The following MYO9A variants were observed in gnomAD, a reference collection of about 807,000 sequenced individuals.
The protein encoded by MYO9A is myosin IXA.
A neutral mutation model predicts 293.3 loss-of-function variants in MYO9A; 103 were observed. That is an observed-to-expected ratio of 0.35 (90% confidence interval 0.30 to 0.41). The LOEUF (loss-of-function observed/expected upper bound fraction) is 0.41. Ranked by LOEUF, MYO9A falls within the 10% of genes least tolerant of loss-of-function variation. The pLI, the probability that MYO9A is intolerant of heterozygous loss-of-function variation, is 1.00. For missense variants in MYO9A, 2,685 were observed against 3,033.0 expected, an observed-to-expected ratio of 0.89 and a Z score of 2.69; for synonymous variants, 1,001 against 1,035.7, an observed-to-expected ratio of 0.97 and a Z score of 0.64.
At position 71,904,996 on chromosome 15, in the gene MYO9A, C is replaced by T. The variant is rs763535396; in HGVS notation, c.2696G>A (p.Ser899Asn). 1 of 1,601,278 alleles carries T rather than the reference C, an allele frequency of 6.2e-7. No individual in the cohort carries two copies. The highest frequency in any genetic ancestry group is 1.7e-5 in the Admixed American group (1 of 59,808). The change falls in exon 20 of 42, where the codon AGC becomes AAC. Residue 899 changes from serine (S) to asparagine (N), a missense_variant. Ser to Asn is a conservative substitution (Grantham distance 46, BLOSUM62 1). This residue lies in a region of MYO9A where 1,434 missense variants were observed against 1,497.7 expected (regional missense o/e 0.96). Coordinates refer to ENST00000356056, the MANE Select transcript of MYO9A (RefSeq NM_006901.4). ...SISAQFQASLSKLMETLGQAE... is the reference protein window; with the variant it reads ...SISAQFQASLNKLMETLGQAE... The stretch of plus-strand genomic sequence containing the variant: ...TTGACCAAGTGTTTCCATTAGCTTG[C>T]TTAATGATGCCTGCAACAGAAAGCA...
At position 71,823,826 on chromosome 15, in the gene MYO9A, C is replaced by CAGAG. The variant is rs2054362571; in HGVS notation, c.*2750_*2753dup. The CAGAG allele has an allele frequency of 6.6e-6, 1 of 152,152 alleles. No individual in the cohort carries two copies. Among genetic ancestry groups the CAGAG allele is most frequent in the African/African-American group, 2.4e-5 (1 of 41,418 alleles). 9.4% of individuals were successfully genotyped at this position (152,152 alleles called of 1,614,324 possible). ...GTGGAGCTGCCCCACTGCTGCCATG[C>CAGAG]AGAGATCAAACAAGCAAAGGAGAAG... On this transcript the variant is annotated 3_prime_UTR_variant, in exon 42 of 42. Coordinates refer to ENST00000356056, the MANE Select transcript of MYO9A (RefSeq NM_006901.4).
intron 11 of MYO9A, among the ~76,000 whole-genome samples, chr15:71,987,500 C>G (rs2148250073): frequency 6.6e-6 from 1 of 152,300 alleles, no homozygotes. Context: ...TGAGCTTCAG[C>G]TCACTATTTG....
chr15:72,011,014 A>ATT (rs35009391), intron 6 of MYO9A, among the ~76,000 whole-genome samples: 2 of 146,006 alleles, frequency 1.4e-5, no homozygotes, highest in East Asian at 2.0e-4. Flanking sequence ...TAGATATGTT[A>ATT]TTTTTTTTTT....
At position 71,832,558 on chromosome 15, in the gene MYO9A, G is replaced by T. The variant is rs185907262; in HGVS notation, c.6838-2247C>A. 2.0e-5 allele frequency among the ~76,000 whole-genome samples: 3 copies of T among 152,268 alleles called. No individual in the cohort carries two copies. In the East Asian group the frequency reaches 5.8e-4, roughly 29 times the overall value. ...GCAGAAAACAATGGAATATTTTCAT[G>T]GTGATGAAAAAGTAACTGCCAAGCT... is the stretch of plus-strand genomic sequence containing the variant. On this transcript the variant is annotated intron_variant, in intron 39 of 41. Transcript: ENST00000356056.
At chr15:71,886,775 G>A (rs1439435189) in intron 27 of MYO9A, among the ~76,000 whole-genome samples, 1 of 151,936 alleles carries the variant, frequency 6.6e-6, no homozygotes, top group Non-Finnish European at 1.5e-5. Context: ...TGTCATTTTA[G>A]CAATTGTGGG....
At chr15:71,965,014 A>G (rs1454813450) in intron 13 of MYO9A, among the ~76,000 whole-genome samples, 1 of 151,918 alleles carries the variant, frequency 6.6e-6, no homozygotes, top group Non-Finnish European at 1.5e-5. Flanking sequence ...CAACATATGT[A>G]TTTAAAGTTA....
chr15:71,919,998 G>C (rs1291230946), intron 18 of MYO9A, among the ~76,000 whole-genome samples: 1 of 152,050 alleles, frequency 6.6e-6, no homozygotes, highest in African/African-American at 2.4e-5. Flanking sequence ...TGTTGTAAGT[G>C]CTAAGGATAC....
At chr15:72,069,101 T>C (rs1465230006) in intron 1 of MYO9A, among the ~76,000 whole-genome samples, 1 of 152,186 alleles carries the variant, frequency 6.6e-6, no homozygotes, top group Non-Finnish European at 1.5e-5. Context: ...TGCCTTATAC[T>C]GCCTCATAGC....
Position 71,883,858 on chromosome 15 carries a change from A to T in MYO9A, c.5256-122T>A, listed in dbSNP as rs890017785. On this transcript the variant is annotated intron_variant, in intron 27 of 41. Transcript: ENST00000356056. ...TTAGCTCATTTAAGCTTCACATTTAAATTAAGTGTATTTATCTTTACTTTT... is the reference window on the plus strand; with the variant it reads ...TTAGCTCATTTAAGCTTCACATTTATATTAAGTGTATTTATCTTTACTTTT... 3 of 883,406 alleles carry T rather than the reference A, an allele frequency of 3.4e-6. No individual in the cohort carries two copies. The African/African-American group carries it at 5.2e-5, about 15-fold the overall frequency. 54.7% of individuals were successfully genotyped at this position (883,406 alleles called of 1,614,324 possible). A position where few individuals can be genotyped will look rare whatever the true frequency, so the allele number is the denominator to read the frequency against.
intron 1 of MYO9A, among the ~76,000 whole-genome samples, chr15:72,079,119 T>C (rs2079460188): frequency 1.3e-5 from 2 of 152,094 alleles, no homozygotes; most frequent in Admixed American, 1.3e-4. Flanking sequence ...AGACCACAAA[T>C]AGTAACGATG....
chr15:71,853,091 C>CTGAATGAATGAATGAATGAATGAATGAA (rs71131711), intron 35 of MYO9A, among the ~76,000 whole-genome samples: 1 of 151,370 alleles, frequency 6.6e-6, no homozygotes, highest in African/African-American at 2.4e-5. Context: ...AAGACTGTCT[C>CTGAATGAATGAATGAATGAATGAATGAA]TGAATGAATG....
chr15:71,835,047 A>C (rs544005676), intron 39 of MYO9A, among the ~76,000 whole-genome samples: 1 of 152,268 alleles, frequency 6.6e-6, no homozygotes, highest in South Asian at 2.1e-4. Flanking sequence ...TGCAATAAAA[A>C]AGTCTGATAA....
At chr15:71,906,865 G>A (rs1259246215) in intron 19 of MYO9A, among the ~76,000 whole-genome samples, 2 of 144,088 alleles carry the variant, frequency 1.4e-5, no homozygotes, top group African/African-American at 5.1e-5. Context: ...CCGGGTTCAC[G>A]CCATTCTCCT....
chr15:71,972,614 T>C (rs1197529884), intron 12 of MYO9A, among the ~76,000 whole-genome samples: 1 of 152,178 alleles, frequency 6.6e-6, no homozygotes, highest in African/African-American at 2.4e-5. Flanking sequence ...CACAAACGTT[T>C]GGTCACAGAT....
At chr15:72,087,689 G>C (rs571267602) in intron 1 of MYO9A, among the ~76,000 whole-genome samples, 74 of 152,282 alleles carry the variant, frequency 4.9e-4, no homozygotes, top group Non-Finnish European at 7.4e-5. Context: ...GAGTGTGCCA[G>C]TTGTCCCAGT....
intron 1 of MYO9A, among the ~76,000 whole-genome samples, chr15:72,101,790 G>A (rs1473951699): frequency 6.8e-6 from 1 of 147,032 alleles, no homozygotes; most frequent in Non-Finnish European, 1.5e-5. Flanking sequence ...CCTCTGCCAG[G>A]CCAGCCGCCC....
intron 15 of MYO9A, among the ~76,000 whole-genome samples, chr15:71,948,955 G>C (rs1220776397): frequency 6.8e-6 from 1 of 146,032 alleles, no homozygotes; most frequent in African/African-American, 2.5e-5. Context: ...TTTTTGTGAG[G>C]GGGGGGGATG....
At chr15:71,858,827 AC>A (rs1472834195) in intron 34 of MYO9A, 1 of 151,940 alleles carries the variant, frequency 6.6e-6, no homozygotes, top group Non-Finnish European at 1.5e-5. Context: ...CACGTTGTGC[AC>A]ATGTACTCTA....
At chr15:71,879,156 A>C (rs1310470727) in intron 30 of MYO9A, among the ~76,000 whole-genome samples, 1 of 152,214 alleles carries the variant, frequency 6.6e-6, no homozygotes, top group Admixed American at 6.5e-5. Flanking sequence ...ATTCTTTTAC[A>C]GAATATGATA....
Sources: allele counts gnomAD v4.1 joint callset (sites outside exome capture counted in the v4.1 genomes callset), GRCh38; gene constraint gnomAD v4.1.1; regional missense constraint gnomAD v4.1.1; transcripts MANE v1.5; gene names NCBI Gene and HGNC (gene_info 2026-07-23, HGNC 2026-07-21).